DIP2C: variants seen among roughly 807,000 people sequenced by gnomAD.
The protein encoded by DIP2C is DIP2 acetate--CoA ligase C (putative).
A neutral mutation model predicts 192.4 loss-of-function variants in DIP2C; 33 were observed. The observed-to-expected ratio is 0.17, with a 90% CI of 0.13 to 0.23. DIP2C has a LOEUF of 0.23. DIP2C is among the 10% of genes least tolerant of loss of function. The pLI, the probability that DIP2C is intolerant of heterozygous loss-of-function variation, is 1.00. For synonymous variants in DIP2C, 979 were observed against 864.1 expected (o/e 1.13, Z -2.33); for missense variants, 1,537 against 2,110.1 (o/e 0.73, Z 5.32).
At chr10:303,742 C>T (rs1010647708) in intron 32 of DIP2C, among the ~76,000 whole-genome samples, 1 of 152,118 alleles carries the variant, frequency 6.6e-6, no homozygotes, top group Non-Finnish European at 1.5e-5. Flanking sequence ...AGGCTGGTCT[C>T]GAACTCCCGA....
At chr10:535,103 T>C (rs1428795175) in intron 1 of DIP2C, among the ~76,000 whole-genome samples, 2 of 152,140 alleles carry the variant, frequency 1.3e-5, no homozygotes, top group Non-Finnish European at 2.9e-5. Context: ...AGAAGGAACC[T>C]TCAGCACCCG....
rs1328165374 is a variant in DIP2C at position 275,123 on chromosome 10, T to C, written c.*2202A>G. ...GAATGTAGAGTTGATCTGGTGACAG[T>C]TGAAATTATGTTTGAAGTGACATCT... On this transcript the variant is annotated 3_prime_UTR_variant, in exon 37 of 37. Coordinates refer to ENST00000280886, the MANE Select transcript of DIP2C (RefSeq NM_014974.3). 3 of 152,310 alleles carry C rather than the reference T, an allele frequency of 2.0e-5. No individual in the cohort carries two copies. Among genetic ancestry groups the C allele is most frequent in the South Asian group, 4.2e-4 (2 of 4,812 alleles). The allele number at this position is 152,310 out of a possible 1,614,324, so 9.4% of individuals were successfully genotyped here.
intron 1 of DIP2C, among the ~76,000 whole-genome samples, chr10:529,376 G>T (rs1368307730): frequency 6.6e-6 from 1 of 152,216 alleles, no homozygotes; most frequent in Admixed American, 6.5e-5. Context: ...AGGAAGAAGG[G>T]ATCAGAGTGG....
chr10:477,256 G>A (rs1287057092), intron 2 of DIP2C, among the ~76,000 whole-genome samples: 4 of 101,764 alleles, frequency 3.9e-5, no homozygotes, highest in East Asian at 2.8e-4. Context: ...AAGAATGGAT[G>A]GATAGGAGGT....
intron 13 of DIP2C, among the ~76,000 whole-genome samples, 199 bp from the exon 14 acceptor site, chr10:388,008 T>C (rs1341693814): frequency 1.3e-5 from 2 of 152,158 alleles, no homozygotes; most frequent in African/African-American, 4.8e-5. Flanking sequence ...TCGACAGATA[T>C]CCTGACACAT....
intron 1 of DIP2C, among the ~76,000 whole-genome samples, chr10:614,207 C>T (rs987351463): frequency 4.6e-5 from 7 of 152,188 alleles, no homozygotes; most frequent in East Asian, 1.9e-4. Flanking sequence ...GAGCCCAAGC[C>T]GAGTCACACT....
chr10:345,465 G>A (rs1331472845), intron 26 of DIP2C, among the ~76,000 whole-genome samples: 3 of 131,724 alleles, frequency 2.3e-5, no homozygotes, highest in African/African-American at 5.8e-5. Flanking sequence ...TCCCGGAAAC[G>A]TCACACACAC....
chr10:622,961 G>C (rs1184486657), intron 1 of DIP2C, among the ~76,000 whole-genome samples: 2 of 152,228 alleles, frequency 1.3e-5, no homozygotes, highest in Non-Finnish European at 2.9e-5. Context: ...GCTTCAGCCT[G>C]ATGGCTGTAA....
intron 3 of DIP2C, among the ~76,000 whole-genome samples, chr10:441,987 C>T (rs956546855): frequency 6.6e-6 from 1 of 152,092 alleles, no homozygotes; most frequent in African/African-American, 2.4e-5. Flanking sequence ...TGTGGCAACT[C>T]CAAACTGTGA....
In DIP2C at chr10:513,529, G is replaced by A. The variant is rs142583346; in HGVS notation, c.86-26999C>T. Among the ~76,000 whole-genome samples the A allele has an allele frequency of 1.1e-4, 16 of 152,108 alleles. 1 individual carries two copies. The East Asian group carries it at 2.9e-3, about 28-fold the overall frequency. Reference sequence around the variant, plus strand: ...TGGCTCTCGTCCACCACAGCACACCGCAGCCCATGCTTCTTGTCCACCGTG... The same window carrying A: ...TGGCTCTCGTCCACCACAGCACACCACAGCCCATGCTTCTTGTCCACCGTG... On this transcript the variant is annotated intron_variant, in intron 1 of 36. Coordinates refer to ENST00000280886, the MANE Select transcript of DIP2C (RefSeq NM_014974.3).
chr10:493,764 T>C (rs1488190290), intron 1 of DIP2C, among the ~76,000 whole-genome samples: 1 of 152,258 alleles, frequency 6.6e-6, no homozygotes, highest in African/African-American at 2.4e-5. Flanking sequence ...GGGGTCTTAC[T>C]GCCAACTTTA....
chr10:477,210 AAC>A (rs1196396701), intron 2 of DIP2C, among the ~76,000 whole-genome samples: 3 of 138,550 alleles, frequency 2.2e-5, no homozygotes, highest in South Asian at 2.6e-4. Context: ...AATGGATGGA[AAC>A]ACACACAGGA....
intron 14 of DIP2C, among the ~76,000 whole-genome samples, chr10:386,565 C>T (rs1358504406): frequency 6.6e-6 from 1 of 152,186 alleles, no homozygotes; most frequent in Non-Finnish European, 1.5e-5. Context: ...CCATCTTATC[C>T]CCCAACAGCA....
At chr10:632,926 C>T (rs997542403) in intron 1 of DIP2C, among the ~76,000 whole-genome samples, 2 of 151,264 alleles carry the variant, frequency 1.3e-5, no homozygotes, top group African/African-American at 2.4e-5. Flanking sequence ...ATGCGGGCAC[C>T]GGTGTGAACC....
At chr10:563,900 G>A (rs561603085) in intron 1 of DIP2C, among the ~76,000 whole-genome samples, 20 of 151,972 alleles carry the variant, frequency 1.3e-4, no homozygotes, top group Admixed American at 5.2e-4. Flanking sequence ...TTCTTAATGT[G>A]TCAAAAATCC....
intron 2 of DIP2C, among the ~76,000 whole-genome samples, chr10:473,839 G>A (rs1970846259): frequency 6.6e-6 from 1 of 152,228 alleles, no homozygotes; most frequent in South Asian, 2.1e-4. Flanking sequence ...GCTCTTATGA[G>A]AGTTGTAGAG....
intron 3 of DIP2C, among the ~76,000 whole-genome samples, chr10:455,872 A>G (rs77948822): frequency 6.0e-4 from 2 of 3,312 alleles, no homozygotes; most frequent in Admixed American, 2.5e-3. Context: ...AACACTCTGC[A>G]GTGAGTCCCT....
intron 2 of DIP2C, chr10:484,902 T>G (rs746632019): frequency 3.7e-6 from 6 of 1,611,860 alleles, no homozygotes; most frequent in East Asian, 2.2e-5. Context: ...TCGGCGCTCC[T>G]TCACTGTGCT....
chr10:590,719 G>A (rs1239759371), intron 1 of DIP2C, among the ~76,000 whole-genome samples: 3 of 152,166 alleles, frequency 2.0e-5, no homozygotes, highest in African/African-American at 7.2e-5. Flanking sequence ...CACTTACCTA[G>A]TGCTAGAAAG....
Sources: gnomAD v4.1 joint callset for allele counts (sites outside exome capture counted in the v4.1 genomes callset) on GRCh38, gnomAD v4.1.1 for gene constraint, MANE v1.5 for transcripts, NCBI Gene and HGNC (gene_info 2026-07-23, HGNC 2026-07-21) for gene names.